The following GLI3 variants were observed in gnomAD, a reference collection of about 807,000 sequenced individuals.
The protein encoded by GLI3 is GLI family zinc finger 3.
In GLI3, 20 loss-of-function variants were observed where a neutral mutation model predicts 100.8. That is an observed-to-expected ratio of 0.20 (90% CI 0.14 to 0.29). GLI3 has a LOEUF of 0.29. Among genes scored for constraint, GLI3 ranks in the 10% least tolerant of loss-of-function variants. The pLI is 1.00. For missense variants in GLI3, 2,040 were observed against 2,128.5 expected, an observed-to-expected ratio of 0.96 and a Z score of 0.82; for synonymous variants, 938 against 860.5, an observed-to-expected ratio of 1.09 and a Z score of -1.58.
At chr7:42,210,820 G>A (rs565049331) in intron 2 of GLI3, among the ~76,000 whole-genome samples, 11 of 152,048 alleles carry the variant, frequency 7.2e-5, no homozygotes, top group African/African-American at 1.9e-4. Flanking sequence ...CAATAGGTAC[G>A]TGTAGGACCA....
intron 3 of GLI3, among the ~76,000 whole-genome samples, chr7:42,093,305 G>T (rs1345621471): frequency 1.3e-5 from 2 of 151,480 alleles, no homozygotes; most frequent in Non-Finnish European, 1.5e-5. Context: ...CTTGAACCCG[G>T]GAGGCGGCGG....
intron 2 of GLI3, among the ~76,000 whole-genome samples, chr7:42,181,950 T>C (rs1301364556): frequency 6.6e-6 from 1 of 152,090 alleles, no homozygotes; most frequent in African/African-American, 2.4e-5. Context: ...GACTTCAGAG[T>C]GGTCCTTGTA....
intron 2 of GLI3, among the ~76,000 whole-genome samples, chr7:42,213,210 A>T (rs1431474762): frequency 1.3e-5 from 2 of 152,216 alleles, no homozygotes; most frequent in African/African-American, 4.8e-5. Flanking sequence ...GTAATATTTG[A>T]GAAATAAAAT....
chr7:42,244,746 T>G (rs1486383705), intron 1 of GLI3, among the ~76,000 whole-genome samples: 1 of 151,052 alleles, frequency 6.6e-6, no homozygotes, highest in East Asian at 1.9e-4. Flanking sequence ...ATTGGAAAGG[T>G]GCTGGGTAGA....
chr7:42,108,295 A>T (rs1317858481), intron 3 of GLI3, among the ~76,000 whole-genome samples: 1 of 152,180 alleles, frequency 6.6e-6, no homozygotes, highest in Admixed American at 6.5e-5. Flanking sequence ...TCTAGACTTA[A>T]CTTTGTCAAT....
chr7:41,991,774 G>A (rs1787993731), intron 10 of GLI3, among the ~76,000 whole-genome samples: 2 of 152,204 alleles, frequency 1.3e-5, no homozygotes, highest in South Asian at 4.1e-4. Context: ...GCTGAATTCA[G>A]AAGGAAGAAA....
chr7:41,991,545 T>G (rs1219595648), intron 10 of GLI3, among the ~76,000 whole-genome samples: 2 of 152,222 alleles, frequency 1.3e-5, no homozygotes, highest in African/African-American at 4.8e-5. Context: ...ATACCTAGAT[T>G]GTAATTTTCT....
chr7:42,173,358 A>G (rs1787415243), intron 2 of GLI3, among the ~76,000 whole-genome samples: 1 of 152,112 alleles, frequency 6.6e-6, no homozygotes, highest in Non-Finnish European at 1.5e-5. Flanking sequence ...GTCTGGCCCT[A>G]TTTTTTTAAA....
chr7:42,219,291 T>C (rs894815895), intron 2 of GLI3, among the ~76,000 whole-genome samples: 1 of 152,200 alleles, frequency 6.6e-6, no homozygotes, highest in Non-Finnish European at 1.5e-5. Flanking sequence ...ACTTCAAATA[T>C]AACAATAAAA....
At chr7:42,006,646 G>A (rs1788467892) in intron 10 of GLI3, among the ~76,000 whole-genome samples, 1 of 152,070 alleles carries the variant, frequency 6.6e-6, no homozygotes, top group South Asian at 2.1e-4. Context: ...CTAATTTTGG[G>A]GGCTAGGGAC....
chr7:41,989,927 T>C (rs529299220), intron 10 of GLI3, among the ~76,000 whole-genome samples: 1 of 135,592 alleles, frequency 7.4e-6, no homozygotes, highest in Non-Finnish European at 1.5e-5. Flanking sequence ...TGAGAGGCTG[T>C]AGTGAGCTGA....
chr7:42,055,531 C>G (rs1461245186), intron 4 of GLI3, among the ~76,000 whole-genome samples: 1 of 152,116 alleles, frequency 6.6e-6, no homozygotes, highest in East Asian at 1.9e-4. Flanking sequence ...GCCACTGTTC[C>G]TGGTGGGCGA....
Position 41,978,776 on chromosome 7 carries a change from C to A in GLI3, c.1498-28G>T, listed in dbSNP as rs781758453. On this transcript the variant is annotated intron_variant, in intron 10 of 14. Coordinates refer to ENST00000395925, the MANE Select transcript of GLI3 (RefSeq NM_000168.6). ...GGGGTTTGGAAAAAGAGAGAGAAAT[C>A]AAATGGAAACGTATTCATCATTTCT... is the stretch of plus-strand genomic sequence containing the variant. The A allele has an allele frequency of 1.9e-6, 3 of 1,605,166 alleles. No individual in the cohort carries two copies. The South Asian group carries it at 3.3e-5, about 18-fold the overall frequency.
At position 42,148,257 on chromosome 7, in the gene GLI3, G is replaced by T. The variant is rs1439250146; in HGVS notation, c.336C>A (p.Asp112Glu). The T allele has an allele frequency of 6.2e-7, 1 of 1,612,544 alleles. No homozygotes were observed. Among genetic ancestry groups the T allele is most frequent in the Non-Finnish European group, 8.5e-7 (1 of 1,179,272 alleles). ...VPYRGTVFAM[D>E]PRNGYMEPHY... is the part of the protein sequence containing the mutation. ...GGGGCTCCATGTAACCATTCCTGGG[G>T]TCCATGGCAAACACCGTCCCGCGGT... is the stretch of plus-strand genomic sequence containing the variant. Residue 112 changes from aspartate (D) to glutamate (E), a missense_variant, in exon 3 of 15, where the codon GAC becomes GAA. Asp to Glu is a conservative substitution (Grantham distance 45). Transcript: ENST00000395925.
intron 5 of GLI3, 112 bp downstream of exon 5, chr7:42,048,379 C>G: frequency 1.2e-6 from 1 of 806,992 alleles, no homozygotes; most frequent in South Asian, 1.4e-5. Flanking sequence ...AGCACAGCGC[C>G]TGGCACATGG....
At position 42,202,338 on chromosome 7, in the gene GLI3, TCTCTCTCTCACA is replaced by T. The variant is rs1217552732; in HGVS notation, c.124+20780_124+20791del. On this transcript the variant is annotated intron_variant, in intron 2 of 14. Coordinates refer to ENST00000395925, the MANE Select transcript of GLI3 (RefSeq NM_000168.6). ...GAATCTGTCTCTCTCTCTCTCTCTC[TCTCTCTCTCACA>T]CACACACACACACACACACACACAC... Among the ~76,000 whole-genome samples, 6 of 35,226 alleles carry T rather than the reference TCTCTCTCTCACA, an allele frequency of 1.7e-4. No individual in the cohort carries two copies. In the South Asian group the frequency reaches 0.012, roughly 72 times the overall value. The allele number at this position is 35,226 out of a possible 152,430, so 23.1% of individuals were successfully genotyped here.
chr7:42,126,057 G>C (rs909286412), intron 3 of GLI3, among the ~76,000 whole-genome samples: 1 of 149,620 alleles, frequency 6.7e-6, no homozygotes, highest in Non-Finnish European at 1.5e-5. Context: ...TTAAAAAAAT[G>C]AGAGAGAAAA....
chr7:42,200,040 C>G (rs1333661624), intron 2 of GLI3, among the ~76,000 whole-genome samples: 1 of 152,088 alleles, frequency 6.6e-6, no homozygotes, highest in Non-Finnish European at 1.5e-5. Flanking sequence ...TGGACAACAA[C>G]AGCAAAACTC....
At chr7:42,012,331 G>A (rs1788637974) in intron 10 of GLI3, among the ~76,000 whole-genome samples, 1 of 152,054 alleles carries the variant, frequency 6.6e-6, no homozygotes, top group African/African-American at 2.4e-5. Flanking sequence ...CCAAACTACT[G>A]TAAAAGGCAC....
Sources: gnomAD v4.1 joint callset for allele counts (sites outside exome capture counted in the v4.1 genomes callset) on GRCh38, gnomAD v4.1.1 for gene constraint, MANE v1.5 for transcripts, NCBI Gene and HGNC (gene_info 2026-07-23, HGNC 2026-07-21) for gene names.